Variants in SIN3A observed in about 807,000 individuals in gnomAD.
SIN3A encodes SIN3 transcription regulator family member A, also known as paired amphipathic helix protein Sin3a.
A neutral mutation model predicts 146.1 loss-of-function variants in SIN3A; 14 were observed. The observed-to-expected ratio is 0.10, with a 90% CI of 0.06 to 0.15. SIN3A has a LOEUF of 0.15. SIN3A is among the 10% of genes least tolerant of loss of function. The pLI is 1.00. For missense variants in SIN3A, 1,028 were observed against 1,576.0 expected (o/e 0.65, Z 5.89); for synonymous variants, 572 against 572.0 (o/e 1.00, Z 0.00).
chr15:75,407,670 A>G (rs1179783004), intron 8 of SIN3A, among the ~76,000 whole-genome samples: 10 of 152,146 alleles, frequency 6.6e-5, no homozygotes. Flanking sequence ...AGGTGGGCAG[A>G]TCATGAGGTC....
At chr15:75,421,475 T>C (rs912798816) in intron 3 of SIN3A, 1 of 152,238 alleles carries the variant, frequency 6.6e-6, no homozygotes, top group Non-Finnish European at 1.5e-5. Flanking sequence ...AGCTTTGCTG[T>C]ACTTTATAAT....
At chr15:75,411,461 G>A in intron 6 of SIN3A, 31 bp downstream of exon 6, 1 of 1,597,836 alleles carries the variant, frequency 6.3e-7, no homozygotes, top group South Asian at 1.1e-5. Context: ...AGGGTGACCT[G>A]GTTAAGACAG....
At chr15:75,409,627 C>G (rs989201176) in intron 8 of SIN3A, among the ~76,000 whole-genome samples, 1 of 150,536 alleles carries the variant, frequency 6.6e-6, no homozygotes, top group African/African-American at 2.4e-5. Context: ...CTCGGGAGGG[C>G]GAGACAGGAG....
chr15:75,407,892 CAAAAAAAAAAAAAAAAA>C (rs775913884), intron 8 of SIN3A, among the ~76,000 whole-genome samples: 1 of 24,640 alleles, frequency 4.1e-5, no homozygotes, highest in African/African-American at 2.0e-4. Context: ...GACTCCATCT[CAAAAAAAAAAAAAAAAA>C]AAAAAAAAAA....
chr15:75,443,413 A>G (rs1386035444), intron 1 of SIN3A, among the ~76,000 whole-genome samples: 2 of 152,094 alleles, frequency 1.3e-5, no homozygotes, highest in African/African-American at 4.8e-5. Context: ...CTTCTTTTAT[A>G]CTTTCTTGAA....
intron 14 of SIN3A, 112 bp downstream of exon 14, chr15:75,394,568 C>T (rs1271743613): frequency 1.3e-6 from 1 of 763,260 alleles, no homozygotes; most frequent in Non-Finnish European, 2.1e-6. Context: ...AAGCAAGAAT[C>T]AACAGGTCTT....
chr15:75,389,521 C>G, intron 16 of SIN3A, 131 bp downstream of exon 16: 1 of 832,060 alleles, frequency 1.2e-6, no homozygotes, highest in East Asian at 2.5e-5. Context: ...ATTAACCTCC[C>G]CTCCTCTCTT....
chr15:75,393,707 A>G (rs1179622740), intron 14 of SIN3A, among the ~76,000 whole-genome samples: 1 of 151,586 alleles, frequency 6.6e-6, no homozygotes, highest in Non-Finnish European at 1.5e-5. Context: ...ATTAGTATCT[A>G]TATAAAGGAT....
At chr15:75,408,264 A>T (rs185544136) in intron 8 of SIN3A, among the ~76,000 whole-genome samples, 1 of 152,332 alleles carries the variant, frequency 6.6e-6, no homozygotes, top group East Asian at 1.9e-4. Flanking sequence ...CTACCCATAT[A>T]ACTAATTCTC....
At chr15:75,373,621 C>T (rs1182765443) in intron 20 of SIN3A, among the ~76,000 whole-genome samples, 1 of 151,830 alleles carries the variant, frequency 6.6e-6, no homozygotes, top group African/African-American at 2.4e-5. Context: ...TAAGAATATA[C>T]AGTATAGGCT....
intron 19 of SIN3A, among the ~76,000 whole-genome samples, chr15:75,380,033 G>T (rs1251492756): frequency 6.6e-6 from 1 of 152,166 alleles, no homozygotes; most frequent in Non-Finnish European, 1.5e-5. Context: ...TATAGCTTAT[G>T]CTGAAAATGT....
At chr15:75,430,615 A>C (rs1262360027) in intron 1 of SIN3A, among the ~76,000 whole-genome samples, 5 of 152,204 alleles carry the variant, frequency 3.3e-5, no homozygotes, top group Non-Finnish European at 7.3e-5. Flanking sequence ...AAATATTTAA[A>C]TAACATAATT....
chr15:75,394,263 A>T (rs1452468488), intron 14 of SIN3A, among the ~76,000 whole-genome samples: 1 of 152,228 alleles, frequency 6.6e-6, no homozygotes, highest in Non-Finnish European at 1.5e-5. Context: ...CTCTGATCCT[A>T]GCTCCTAGTA....
At chr15:75,423,992 C>A (rs2141546266) in intron 2 of SIN3A, among the ~76,000 whole-genome samples, 1 of 151,728 alleles carries the variant, frequency 6.6e-6, no homozygotes, top group South Asian at 2.1e-4. Context: ...AAGACTCTGT[C>A]TCCAAAAAGA....
At chr15:75,436,308 C>T (rs1334027940) in intron 1 of SIN3A, 1 of 152,212 alleles carries the variant, frequency 6.6e-6, no homozygotes, top group Non-Finnish European at 1.5e-5. Context: ...TCCATCTCTA[C>T]AAAAAATACA....
Position 75,410,216 on chromosome 15 carries a change from G to A in SIN3A, c.1079C>T (p.Ala360Val), listed in dbSNP as rs749217615. The A allele has an allele frequency of 1.2e-6, 2 of 1,613,800 alleles. No homozygotes were observed. Among genetic ancestry groups the A allele is most frequent in the African/African-American group, 1.3e-5 (1 of 74,872 alleles). ...TPALTEQEVY[A>V]QVARLFKNQE... ...GTTTTTAAAGAGACGAGCAACCTGGGCATACACCTCCTGCTCTGTCAATGC... is the reference window on the plus strand; with the variant it reads ...GTTTTTAAAGAGACGAGCAACCTGGACATACACCTCCTGCTCTGTCAATGC... The change falls in exon 7 of 21, where the codon GCC becomes GTC. Residue 360 changes from alanine (A) to valine (V), a missense_variant. This residue lies in a region of SIN3A where 40 missense variants were observed against 74.0 expected (regional missense o/e 0.54). Transcript: ENST00000394947.
intron 5 of SIN3A, among the ~76,000 whole-genome samples, chr15:75,411,978 G>A (rs2073648325): frequency 6.6e-6 from 1 of 152,150 alleles, no homozygotes; most frequent in Non-Finnish European, 1.5e-5. Flanking sequence ...TAAAACTGGA[G>A]CCATCTCCAA....
At chr15:75,451,813 G>A (rs1287525415), upstream of SIN3A, 2 of 150,740 alleles carry the variant, frequency 1.3e-5, no homozygotes, top group African/African-American at 4.9e-5. Context: ...CCTGTCTTAT[G>A]ATTTTCCCGC....
At chr15:75,389,956 A>T in intron 15 of SIN3A, 135 bp from the exon 16 acceptor site, 1 of 758,720 alleles carries the variant, frequency 1.3e-6, no homozygotes, top group East Asian at 2.5e-5. Flanking sequence ...ATACTCACTC[A>T]TTCCAATGTA....
Sources: gnomAD v4.1 joint callset for allele counts (sites outside exome capture counted in the v4.1 genomes callset) on GRCh38, gnomAD v4.1.1 for gene constraint, gnomAD v4.1.1 regional missense constraint, MANE v1.5 for transcripts, NCBI Gene and HGNC (gene_info 2026-07-23, HGNC 2026-07-21) for gene names.